Variants in LANCL1 observed in about 807,000 individuals in gnomAD.
LANCL1 encodes the protein LanC like glutathione S-transferase 1, also known as glutathione S-transferase LANCL1.
In LANCL1, 50 loss-of-function variants were observed where a neutral mutation model predicts 50.6. That is an observed-to-expected ratio of 0.99 (90% CI 0.79 to 1.25). The LOEUF is 1.25. Among genes scored for constraint, LANCL1 ranks in the 50% most tolerant of loss-of-function variants. LANCL1 has a pLI of 0.00. For missense variants in LANCL1, 532 were observed against 480.7 expected (o/e 1.11, Z -1.00); for synonymous variants, 188 against 178.6 (o/e 1.05, Z -0.42).
At chr2:210,474,541 C>A (rs1478925227) in intron 2 of LANCL1, among the ~76,000 whole-genome samples, 1 of 151,080 alleles carries the variant, frequency 6.6e-6, no homozygotes, top group Non-Finnish European at 1.5e-5. Context: ...CATGGTGAAA[C>A]CCTGCCTCTA....
intron 4 of LANCL1, chr2:210,442,765 A>G (rs549772823): frequency 3.9e-5 from 6 of 152,260 alleles, no homozygotes; most frequent in Non-Finnish European, 8.8e-5. Flanking sequence ...AAAACCCAAA[A>G]GTAGGCACAA....
intron 3 of LANCL1, among the ~76,000 whole-genome samples, chr2:210,461,558 T>C (rs1165146316): frequency 6.6e-6 from 1 of 152,210 alleles, no homozygotes; most frequent in Admixed American, 6.5e-5. Context: ...TGAAACACTA[T>C]AATGACTTGC....
intron 4 of LANCL1, among the ~76,000 whole-genome samples, chr2:210,443,748 AT>A (rs2105894693): frequency 6.6e-6 from 1 of 152,308 alleles, no homozygotes; most frequent in African/African-American, 2.4e-5. Context: ...AAAGTGATGT[AT>A]TTGAAGTACT....
At chr2:210,476,208 C>A in intron 2 of LANCL1, 108 bp downstream of exon 2, 1 of 616,582 alleles carries the variant, frequency 1.6e-6, no homozygotes, top group Non-Finnish European at 2.9e-6. Flanking sequence ...ATCGTCGAAT[C>A]ATGTATTTTT....
intron 9 of LANCL1, among the ~76,000 whole-genome samples, chr2:210,434,831 G>A (rs1454713355): frequency 1.3e-5 from 2 of 151,958 alleles, no homozygotes; most frequent in Non-Finnish European, 2.9e-5. Flanking sequence ...CCCCCCGAGA[G>A]CAGTTACAAC....
chr2:210,466,638 G>A (rs749322875), intron 3 of LANCL1, among the ~76,000 whole-genome samples: 1 of 152,146 alleles, frequency 6.6e-6, no homozygotes, highest in Non-Finnish European at 1.5e-5. Context: ...GTGTCTCTAA[G>A]TTCTCCAATA....
In LANCL1 at chr2:210,446,101, C is replaced by T. The variant is rs781235655; in HGVS notation, c.408-4658G>A. 6.4e-4 allele frequency among the ~76,000 whole-genome samples: 97 copies of T among 152,270 alleles called. 1 individual carries two copies. In the Middle Eastern group the frequency reaches 0.027, roughly 43 times the overall value. ...GCAGTGGATCTCCCAGCACAGTGCT[C>T]GAGCTCTGCTGAGGGAAAGACTGTC... On this transcript the variant is annotated intron_variant, in intron 4 of 9. Coordinates refer to ENST00000450366, the MANE Select transcript of LANCL1 (RefSeq NM_006055.3).
At chr2:210,449,560 A>T (rs936141944) in intron 4 of LANCL1, among the ~76,000 whole-genome samples, 54 of 152,184 alleles carry the variant, frequency 3.5e-4, no homozygotes, top group Admixed American at 1.4e-3. Flanking sequence ...AGGAAGTCAA[A>T]TTGTCTCTGT....
At chr2:210,463,937 G>C (rs1459130319) in intron 3 of LANCL1, among the ~76,000 whole-genome samples, 1 of 152,162 alleles carries the variant, frequency 6.6e-6, no homozygotes, top group Non-Finnish European at 1.5e-5. Flanking sequence ...TGGAAATGAC[G>C]TTTGAGTTCT....
At position 210,436,375 on chromosome 2, in the gene LANCL1, C is replaced by A; in HGVS notation, c.891G>T (p.Lys297Asn). Residue 297 changes from lysine to asparagine, a missense_variant, in exon 8 of 10, where the codon AAG becomes AAT. Transcript: ENST00000450366. The stretch of plus-strand genomic sequence containing the variant: ...CACACTGATAGGCATCACAGAGATA[C>A]TTTTCCTCTCTGAATACCTGCAGAG... ...IQAYKVFREE[K>N]YLCDAYQCAD... The A allele has an allele frequency of 6.2e-7, 1 of 1,613,930 alleles. No individual in the cohort carries two copies. The highest frequency in any genetic ancestry group is 1.1e-5 in the South Asian group (1 of 91,066).
rs147345865 is a variant in LANCL1, at chr2:210,445,859, G to T, written c.408-4416C>A. Among the ~76,000 whole-genome samples, 31 of 152,260 alleles carry T rather than the reference G, an allele frequency of 2.0e-4. 2 individuals are homozygous for T. The East Asian group carries it at 5.6e-3, about 27-fold the overall frequency. ...ACAGTACTTCCTCAGGGTGTTACTGGGGAGAGTTTTTGGCCTTGTATTATC... is the reference window on the plus strand; with the variant it reads ...ACAGTACTTCCTCAGGGTGTTACTGTGGAGAGTTTTTGGCCTTGTATTATC... On this transcript the variant is annotated intron_variant, in intron 4 of 9. Coordinates refer to ENST00000450366, the MANE Select transcript of LANCL1 (RefSeq NM_006055.3).
intron 6 of LANCL1, 86 bp downstream of exon 6, chr2:210,440,512 C>A: frequency 7.7e-7 from 1 of 1,299,290 alleles, no homozygotes; most frequent in Non-Finnish European, 1.1e-6. Flanking sequence ...GAATGACAAA[C>A]TAGAACTAGA....
intron 3 of LANCL1, chr2:210,468,309 T>C (rs540075003): frequency 1.1e-4 from 16 of 152,180 alleles, no homozygotes; most frequent in Admixed American, 9.8e-4. Context: ...ACTGGTAAAT[T>C]TATCCCCCCA....
intron 8 of LANCL1, among the ~76,000 whole-genome samples, chr2:210,435,880 C>T (rs1417990797): frequency 6.7e-6 from 1 of 148,974 alleles, no homozygotes; most frequent in African/African-American, 2.5e-5. Context: ...TCTACAACCT[C>T]CTGGGAGACC....
upstream of LANCL1, among the ~76,000 whole-genome samples, chr2:210,476,969 A>G (rs894442827): frequency 6.6e-6 from 1 of 152,170 alleles, no homozygotes; most frequent in Non-Finnish European, 1.5e-5. Flanking sequence ...CTTATTTTTA[A>G]AAAGTCAAAT....
intron 5 of LANCL1, among the ~76,000 whole-genome samples, chr2:210,440,980 C>T (rs1354790854): frequency 2.0e-5 from 3 of 152,076 alleles, no homozygotes; most frequent in African/African-American, 4.8e-5. Context: ...TACAAGAGTT[C>T]GCCTGTCAAA....
At chr2:210,461,411 A>C (rs959003224) in intron 3 of LANCL1, among the ~76,000 whole-genome samples, 1 of 152,108 alleles carries the variant, frequency 6.6e-6, no homozygotes, top group Non-Finnish European at 1.5e-5. Flanking sequence ...ACTTACAAAC[A>C]GATCAAATTG....
At position 210,438,442 on chromosome 2, in the gene LANCL1, T is replaced by C. The variant is rs117349033; in HGVS notation, c.691-570A>G. Among the ~76,000 whole-genome samples, 113 of 152,324 alleles carry C rather than the reference T, an allele frequency of 7.4e-4. 2 individuals are homozygous for C. In the East Asian group the frequency reaches 0.021, roughly 28 times the overall value. ...GAGCCACTGTGCTCGGCATTTTGTA[T>C]ATATTGTTTTTCAATATTAATTGCT... is the stretch of plus-strand genomic sequence containing the variant. On this transcript the variant is annotated intron_variant, in intron 6 of 9. Transcript: ENST00000450366.
rs114635259 is a variant in LANCL1, at chr2:210,443,931, C to T, written c.408-2488G>A. The stretch of plus-strand genomic sequence containing the variant: ...TGGGCTGGAGGTTTGGAAGATGGTA[C>T]GGGCTTTCCCACTCTTTGATGAATA... On this transcript the variant is annotated intron_variant, in intron 4 of 9. Coordinates refer to ENST00000450366, the MANE Select transcript of LANCL1 (RefSeq NM_006055.3). Among the ~76,000 whole-genome samples the T allele has an allele frequency of 5.9e-3, 894 of 152,268 alleles. 11 individuals carry two copies. The highest frequency in any genetic ancestry group is 0.021 in the African/African-American group (854 of 41,558).
Sources: gnomAD v4.1 joint callset for allele counts (sites outside exome capture counted in the v4.1 genomes callset) on GRCh38, gnomAD v4.1.1 for gene constraint, MANE v1.5 for transcripts, NCBI Gene and HGNC (gene_info 2026-07-23, HGNC 2026-07-21) for gene names.